LARS1: variants seen among roughly 807,000 people sequenced by gnomAD.
LARS1 encodes leucine--tRNA ligase, cytoplasmic.
Under a neutral mutation model 162.8 loss-of-function variants are expected in LARS1, and 100 were observed. The observed-to-expected ratio is 0.61, with a 90% confidence interval of 0.52 to 0.73. The LOEUF is 0.73. LARS1 is among the 30% of genes least tolerant of loss of function. The pLI is 0.00. For synonymous variants in LARS1, 457 were observed against 462.8 expected (o/e 0.99, Z 0.16); for missense variants, 1,258 against 1,408.9 (o/e 0.89, Z 1.71).
intron 21 of LARS1, chr5:146,138,015 C>T (rs1399741024): frequency 6.6e-6 from 1 of 152,496 alleles, no homozygotes; most frequent in African/African-American, 2.4e-5. Flanking sequence ...CCTAGCTACT[C>T]AGGAAGCTGA....
intron 14 of LARS1, among the ~76,000 whole-genome samples, chr5:146,150,071 T>C (rs538584904): frequency 6.6e-6 from 1 of 152,298 alleles, no homozygotes; most frequent in South Asian, 2.1e-4. Context: ...TTCATCTAAT[T>C]AGGCTCCTCT....
chr5:146,114,039 A>C lies in LARS1; in HGVS notation c.*67T>G, dbSNP rs1764088697. 3 of 1,230,770 alleles carry C rather than the reference A, an allele frequency of 2.4e-6. No homozygotes were observed. Among genetic ancestry groups the C allele is most frequent in the Non-Finnish European group, 3.6e-6 (3 of 834,354 alleles). The allele number at this position is 1,230,770 out of a possible 1,614,324, so 76.2% of individuals were successfully genotyped here. On this transcript the variant is annotated 3_prime_UTR_variant, in exon 32 of 32. Coordinates refer to ENST00000394434, the MANE Select transcript of LARS1 (RefSeq NM_020117.11). ...GTCCAGCCTAAGGTTCTGATAGCCA[A>C]TCAGTAGACACAATCAGAGTAGTAG...
intron 22 of LARS1, among the ~76,000 whole-genome samples, chr5:146,134,418 C>T (rs187577496): frequency 2.1e-4 from 32 of 152,146 alleles, no homozygotes; most frequent in Non-Finnish European, 2.5e-4. Flanking sequence ...GATACAGTTC[C>T]GTCTTTGGCT....
At chr5:146,146,816 C>T (rs1248823453) in intron 15 of LARS1, among the ~76,000 whole-genome samples, 2 of 151,620 alleles carry the variant, frequency 1.3e-5, no homozygotes, top group Admixed American at 6.6e-5. Flanking sequence ...CAGGTTCAAG[C>T]GATTCTCATG....
At chr5:146,123,933 T>A (rs758805940) in intron 29 of LARS1, 49 bp downstream of exon 29, 2 of 923,964 alleles carry the variant, frequency 2.2e-6, no homozygotes, top group East Asian at 4.9e-5. Flanking sequence ...AGAGCTGGAT[T>A]ATGGTTTAAC....
intron 5 of LARS1, among the ~76,000 whole-genome samples, chr5:146,167,727 C>T (rs928522822): frequency 6.7e-5 from 10 of 150,320 alleles, no homozygotes; most frequent in African/African-American, 2.4e-4. Flanking sequence ...GACGGGGTTT[C>T]ACCATGTTAG....
chr5:146,146,744 C>T (rs932412931), intron 15 of LARS1, among the ~76,000 whole-genome samples: 24 of 150,730 alleles, frequency 1.6e-4, no homozygotes, highest in Admixed American at 3.3e-4. Context: ...TGTGAGACAG[C>T]GCTCTGTCGC....
At chr5:146,165,869 C>T (rs34581962) in intron 5 of LARS1, among the ~76,000 whole-genome samples, 33,913 of 152,010 alleles carry the variant, frequency 0.22, 4,848 homozygotes, top group Admixed American at 0.34. Context: ...GTAATGAGAG[C>T]CAAGTTTCTC....
intron 1 of LARS1, among the ~76,000 whole-genome samples, chr5:146,180,607 T>C (rs1754793278): frequency 6.6e-6 from 1 of 152,230 alleles, no homozygotes; most frequent in South Asian, 2.1e-4. Context: ...AACTATGTGT[T>C]TCTTTTCATT....
In LARS1 at chr5:146,144,310, T is replaced by C; in HGVS notation, c.1695A>G (p.Leu565=). Residue 565 remains leucine, a synonymous_variant, in exon 18 of 32, where the codon TTA becomes TTG. Coordinates refer to ENST00000394434, the MANE Select transcript of LARS1 (RefSeq NM_020117.11). ...EETRRNFEAT[L]GWLQEHACSR... ...AGCAAGCATGTTCTTGTAGCCAACC[T>C]AAGGTGGCTTCAAAATTCCTCCTGG... 1 of 1,613,712 alleles carries C rather than the reference T, an allele frequency of 6.2e-7. No individual in the cohort carries two copies. Among genetic ancestry groups the C allele is most frequent in the Non-Finnish European group, 8.5e-7 (1 of 1,179,926 alleles).
rs143462164 is a variant in LARS1, at chr5:146,141,428, G to A, written c.2091-1167C>T. Among the ~76,000 whole-genome samples the A allele has an allele frequency of 6.7e-3, 1,018 of 152,244 alleles. 6 individuals carry two copies. The highest frequency in any genetic ancestry group is 0.012 in the Non-Finnish European group (789 of 68,016). On this transcript the variant is annotated intron_variant, in intron 20 of 31. Coordinates refer to ENST00000394434, the MANE Select transcript of LARS1 (RefSeq NM_020117.11). ...CCTAACAAATGTGAAAAAAATTGGT[G>A]CAAAGGAATGAAGATTCAACTTATT...
At chr5:146,156,610 G>C (rs773534082) in intron 10 of LARS1, among the ~76,000 whole-genome samples, 1 of 151,898 alleles carries the variant, frequency 6.6e-6, no homozygotes, top group Admixed American at 6.6e-5. Flanking sequence ...CAGGAGAATC[G>C]TTTGAACTCA....
At chr5:146,166,063 C>G (rs1046257779) in intron 5 of LARS1, among the ~76,000 whole-genome samples, 6 of 152,158 alleles carry the variant, frequency 3.9e-5, no homozygotes, top group Non-Finnish European at 7.3e-5. Context: ...TTTCCTTGCT[C>G]TGTCCACTGA....
chr5:146,177,124 T>A lies in LARS1; in HGVS notation c.125+423A>T, dbSNP rs573153900. 1.1e-4 allele frequency among the ~76,000 whole-genome samples: 16 copies of A among 152,320 alleles called. No individual in the cohort carries two copies. In the South Asian group the frequency reaches 1.9e-3, roughly 18 times the overall value. On this transcript the variant is annotated intron_variant, in intron 2 of 31. Transcript: ENST00000394434. The stretch of plus-strand genomic sequence containing the variant: ...GGCATTATAAATACAATCTACCTTA[T>A]GGGTTCCACCAAGCTGTTTCTGTAC...
chr5:146,166,098 C>G (rs986109029), intron 5 of LARS1, among the ~76,000 whole-genome samples: 19 of 152,186 alleles, frequency 1.2e-4, no homozygotes, highest in Admixed American at 1.1e-3. Flanking sequence ...AGTGATACCC[C>G]CAGGCAATGA....
At chr5:146,155,606 C>T (rs1753490683) in intron 10 of LARS1, among the ~76,000 whole-genome samples, 1 of 152,234 alleles carries the variant, frequency 6.6e-6, no homozygotes, top group Non-Finnish European at 1.5e-5. Flanking sequence ...TTCCTTTCCA[C>T]ATAATTCCCA....
At chr5:146,140,980 A>G (rs1393181952) in intron 20 of LARS1, among the ~76,000 whole-genome samples, 1 of 152,226 alleles carries the variant, frequency 6.6e-6, no homozygotes, top group South Asian at 2.1e-4. Flanking sequence ...ACAAATAGAG[A>G]TATCAGATGC....
At position 146,177,579 on chromosome 5, in the gene LARS1, C is replaced by T. The variant is rs752899151; in HGVS notation, c.93G>A (p.Glu31=). ...QQKWDTERVF[E]VNASNLEKQT... is the part of the protein sequence containing the mutation. ...GTTTCTCTAAATTAGATGCATTGAC[C>T]TCAAACACTCTCTCAGTATCCCATT... is the stretch of plus-strand genomic sequence containing the variant. Residue 31 remains glutamate (E), a synonymous_variant, in exon 2 of 32, where the codon GAG becomes GAA. Transcript: ENST00000394434. 23 of 1,593,032 alleles carry T rather than the reference C, an allele frequency of 1.4e-5. No homozygotes were observed. Among genetic ancestry groups the T allele is most frequent in the Non-Finnish European group, 1.8e-5 (21 of 1,166,712 alleles).
rs146478457 is a variant in LARS1, at chr5:146,144,327, T to A, written c.1678A>T (p.Asn560Tyr). The part of the protein sequence containing the change: ...LETFCEETRR[N>Y]FEATLGWLQE... ...AGCCAACCTAAGGTGGCTTCAAAAT[T>A]CCTCCTGGTCTCCTCACAGAATCTA... Residue 560 changes from asparagine (N) to tyrosine (Y), a missense_variant, in exon 18 of 32, where the codon AAT (asparagine) becomes TAT (tyrosine). Coordinates refer to ENST00000394434, the MANE Select transcript of LARS1 (RefSeq NM_020117.11). The A allele has an allele frequency of 6.2e-7, 1 of 1,613,686 alleles. No individual in the cohort carries two copies. Among genetic ancestry groups the A allele is most frequent in the East Asian group, 2.2e-5 (1 of 44,870 alleles).
Sources: allele counts gnomAD v4.1 joint callset (sites outside exome capture counted in the v4.1 genomes callset), GRCh38; gene constraint gnomAD v4.1.1; transcripts MANE v1.5; gene names NCBI Gene and HGNC (gene_info 2026-07-23, HGNC 2026-07-21).